COL25A1: variants seen among roughly 807,000 people sequenced by gnomAD.
COL25A1 encodes the protein collagen type XXV alpha 1 chain.
Under a neutral mutation model 128.4 loss-of-function variants are expected in COL25A1, and 103 were observed. The ratio of observed to expected loss-of-function variants is 0.80; its 90% CI spans 0.68 to 0.94. The LOEUF is 0.94. Among genes scored for constraint, COL25A1 ranks in the 40% least tolerant of loss-of-function variants. COL25A1 has a pLI of 0.00. For missense variants in COL25A1, 745 were observed against 840.0 expected (o/e 0.89, Z 1.40); for synonymous variants, 279 against 277.2 (o/e 1.01, Z -0.06).
chr4:109,160,291 A>G (rs987049794), intron 3 of COL25A1, among the ~76,000 whole-genome samples: 3 of 152,194 alleles, frequency 2.0e-5, no homozygotes, highest in African/African-American at 7.2e-5. Flanking sequence ...AAAGTTGAAC[A>G]TACGTGTAAA....
chr4:109,046,403 G>A (rs1760435204), intron 5 of COL25A1, among the ~76,000 whole-genome samples: 1 of 152,142 alleles, frequency 6.6e-6, no homozygotes, highest in Non-Finnish European at 1.5e-5. Flanking sequence ...GGAAGTACTA[G>A]AATCCTGAAG....
rs866649603 is a variant in COL25A1 at position 109,095,819 on chromosome 4, G to A, written c.368-45640C>T. Among the ~76,000 whole-genome samples the A allele has an allele frequency of 2.0e-5, 3 of 152,224 alleles. No individual in the cohort carries two copies. In the South Asian group the frequency reaches 6.2e-4, roughly 31 times the overall value. On this transcript the variant is annotated intron_variant, in intron 3 of 37. Coordinates refer to ENST00000399132, the MANE Select transcript of COL25A1 (RefSeq NM_198721.4). ...ACTAGAGGCACTTATATGGAAAAGT[G>A]AGAGAGGGGATCAGCTGTCATATGA...
intron 5 of COL25A1, among the ~76,000 whole-genome samples, chr4:109,020,564 T>C (rs114169030): frequency 0.016 from 2,392 of 151,852 alleles, 23 homozygotes; most frequent in Non-Finnish European, 0.025. Context: ...ATTTCTTCCA[T>C]GATATTTGCT....
At chr4:109,104,957 G>C (rs1238590605) in intron 3 of COL25A1, among the ~76,000 whole-genome samples, 1 of 152,068 alleles carries the variant, frequency 6.6e-6, no homozygotes, top group African/African-American at 2.4e-5. Flanking sequence ...TGGTATTGTG[G>C]TTATGGTAAA....
intron 26 of COL25A1, among the ~76,000 whole-genome samples, chr4:108,851,516 A>G (rs769641709): frequency 1.7e-4 from 26 of 152,224 alleles, no homozygotes; most frequent in Middle Eastern, 3.4e-3. Context: ...AATAACTTGA[A>G]TCTCCTACAA....
intron 24 of COL25A1, among the ~76,000 whole-genome samples, chr4:108,855,994 A>G (rs1335018456): frequency 6.6e-6 from 1 of 152,188 alleles, no homozygotes; most frequent in East Asian, 1.9e-4. Context: ...ATGGAGAAAG[A>G]CATGGCATTC....
rs375614390 is a variant in COL25A1 at position 108,964,037 on chromosome 4, T to G, written c.492+10330A>C. Reference sequence around the variant, plus strand: ...GAAATAATTATTTACATATCATATGTAAATAATATCATAATTAAATAATGT... The same window carrying G: ...GAAATAATTATTTACATATCATATGGAAATAATATCATAATTAAATAATGT... On this transcript the variant is annotated intron_variant, in intron 8 of 37. Coordinates refer to ENST00000399132, the MANE Select transcript of COL25A1 (RefSeq NM_198721.4). 3.4e-4 allele frequency among the ~76,000 whole-genome samples: 51 copies of G among 150,748 alleles called. No homozygotes were observed. In the South Asian group the frequency reaches 0.01, roughly 31 times the overall value.
chr4:109,065,440 G>A (rs1297151825), intron 3 of COL25A1, among the ~76,000 whole-genome samples: 2 of 151,992 alleles, frequency 1.3e-5, no homozygotes, highest in South Asian at 2.1e-4. Context: ...ATAGTTACCT[G>A]ACAGAAACAT....
intron 32 of COL25A1, among the ~76,000 whole-genome samples, chr4:108,829,763 A>G (rs1390180640): frequency 1.3e-5 from 2 of 152,226 alleles, no homozygotes; most frequent in Non-Finnish European, 2.9e-5. Context: ...GCTATTAACG[A>G]CAATTCCATT....
chr4:109,301,830 C>T lies in COL25A1; in HGVS notation c.190G>A (p.Ala64Thr), dbSNP rs1030036795. 1.2e-6 allele frequency: 2 copies of T among 1,614,254 alleles called. No individual in the cohort carries two copies. The highest frequency in any genetic ancestry group is 1.7e-6 in the Non-Finnish European group (2 of 1,180,056). ...VKTNDLQARI[A>T]ALESAKGAPS... is the part of the protein sequence containing the mutation. ...GCCCCTTTGGCGGATTCGAGAGCGG[C>T]GATCCTCGCCTGGAGGTCGTTGGTT... Residue 64 changes from alanine (A) to threonine (T), a missense_variant, in exon 2 of 38, where the codon GCC (alanine) becomes ACC (threonine). By Grantham distance (58) the Ala-to-Thr change is moderately conservative. This residue lies in a region of COL25A1 where 319 missense variants were observed against 324.9 expected (regional missense o/e 0.98). Coordinates refer to ENST00000399132, the MANE Select transcript of COL25A1 (RefSeq NM_198721.4).
intron 3 of COL25A1, among the ~76,000 whole-genome samples, chr4:109,176,981 T>C (rs1413982562): frequency 6.6e-6 from 1 of 152,174 alleles, no homozygotes; most frequent in Non-Finnish European, 1.5e-5. Context: ...TGTGAAAGGA[T>C]ACATTTAATT....
intron 3 of COL25A1, among the ~76,000 whole-genome samples, chr4:109,149,999 GGTGTGT>G (rs1160836259): frequency 1.5e-5 from 2 of 132,196 alleles, no homozygotes; most frequent in African/African-American, 5.2e-5. Flanking sequence ...TGTATGTGTG[GGTGTGT>G]GTGTGTGTAT....
At chr4:109,256,923 T>C (rs947331632) in intron 3 of COL25A1, among the ~76,000 whole-genome samples, 2 of 152,190 alleles carry the variant, frequency 1.3e-5, no homozygotes, top group African/African-American at 2.4e-5. Context: ...TCACTTCTAA[T>C]CCCCTAACAA....
intron 11 of COL25A1, among the ~76,000 whole-genome samples, chr4:108,933,985 T>C (rs1315070137): frequency 1.3e-5 from 2 of 152,192 alleles, no homozygotes; most frequent in East Asian, 3.9e-4. Context: ...CATTACTGGG[T>C]ATATACCCAA....
intron 3 of COL25A1, among the ~76,000 whole-genome samples, chr4:109,171,666 T>C (rs1358501711): frequency 2.0e-5 from 3 of 152,244 alleles, no homozygotes; most frequent in Non-Finnish European, 2.9e-5. Flanking sequence ...AGGTAAGTGC[T>C]GTATTTTATT....
chr4:109,134,194 G>GTTT (rs34802354), intron 3 of COL25A1, among the ~76,000 whole-genome samples: 1 of 145,362 alleles, frequency 6.9e-6, no homozygotes, highest in African/African-American at 2.5e-5. Context: ...ATTATAGGAG[G>GTTT]TTTTTTTTTT....
rs540143631 is a variant in COL25A1 at position 109,097,749 on chromosome 4, C to T, written c.368-47570G>A. Among the ~76,000 whole-genome samples the T allele has an allele frequency of 4.7e-5, 7 of 150,438 alleles. No individual in the cohort carries two copies. The East Asian group carries it at 6.0e-4, about 13-fold the overall frequency. ...CGCGATCTTGGCTCACTGCAACCTCCGCCTCCTGGGTTCAGGCGATTCTCC... is the reference window on the plus strand; with the variant it reads ...CGCGATCTTGGCTCACTGCAACCTCTGCCTCCTGGGTTCAGGCGATTCTCC... On this transcript the variant is annotated intron_variant, in intron 3 of 37. Transcript: ENST00000399132.
intron 19 of COL25A1, among the ~76,000 whole-genome samples, chr4:108,881,938 T>A (rs1297701608): frequency 6.6e-5 from 10 of 152,192 alleles, no homozygotes; most frequent in Non-Finnish European, 1.3e-4. Context: ...GAAGAGTATG[T>A]CTACATACTC....
chr4:108,977,953 C>T (rs983759114), intron 6 of COL25A1, among the ~76,000 whole-genome samples: 6 of 152,204 alleles, frequency 3.9e-5, no homozygotes, highest in African/African-American at 1.4e-4. Context: ...CCCATTGTAC[C>T]AGTCCTCTAA....
Sources: allele counts gnomAD v4.1 joint callset (sites outside exome capture counted in the v4.1 genomes callset), GRCh38; gene constraint gnomAD v4.1.1; regional missense constraint gnomAD v4.1.1; transcripts MANE v1.5; gene names NCBI Gene and HGNC (gene_info 2026-07-23, HGNC 2026-07-21).